The following AK5 variants were observed in gnomAD, a reference collection of about 807,000 sequenced individuals.
AK5 encodes the protein adenylate kinase isoenzyme 5.
A neutral mutation model predicts 69.5 loss-of-function variants in AK5; 27 were observed. The ratio of observed to expected loss-of-function variants is 0.39; its 90% CI spans 0.29 to 0.54. AK5 has a LOEUF of 0.54. AK5 is among the 20% of genes least tolerant of loss of function. The pLI is 0.71. For missense variants in AK5, 531 were observed against 700.4 expected, an observed-to-expected ratio of 0.76 and a Z score of 2.73; for synonymous variants, 260 against 244.4, an observed-to-expected ratio of 1.06 and a Z score of -0.60.
At chr1:77,305,395 C>G (rs1275909466) in intron 5 of AK5, among the ~76,000 whole-genome samples, 2 of 152,092 alleles carry the variant, frequency 1.3e-5, no homozygotes, top group African/African-American at 4.8e-5. Flanking sequence ...GGATATTGCT[C>G]AAGACATTTT....
chr1:77,362,477 A>G (rs1646882209), intron 6 of AK5, among the ~76,000 whole-genome samples: 1 of 152,186 alleles, frequency 6.6e-6, no homozygotes, highest in African/African-American at 2.4e-5. Flanking sequence ...CGGAAGGATC[A>G]CTATGGTATC....
chr1:77,464,515 G>A (rs1212117551), intron 8 of AK5, among the ~76,000 whole-genome samples: 4 of 152,200 alleles, frequency 2.6e-5, no homozygotes, highest in South Asian at 2.1e-4. Flanking sequence ...CTTAAAATGA[G>A]TCTTTTAATG....
At position 77,521,944 on chromosome 1, in the gene AK5, G is replaced by T. The variant is rs1254520294; in HGVS notation, c.1428+1G>T. 1 of 1,590,548 alleles carries T rather than the reference G, an allele frequency of 6.3e-7. No individual in the cohort carries two copies. Among genetic ancestry groups the T allele is most frequent in the Non-Finnish European group, 8.6e-7 (1 of 1,169,358 alleles). On this transcript the variant is annotated splice_donor_variant, in intron 12 of 13. Transcript: ENST00000354567. LOFTEE classifies it high-confidence loss of function. ...GCAAGGGGAAGAGTTCGGACGCAGG[G>T]TGAGTGGTTGTTACGGGCATCCTTC...
intron 10 of AK5, among the ~76,000 whole-genome samples, chr1:77,502,890 C>T (rs1438885710): frequency 6.6e-6 from 1 of 152,174 alleles, no homozygotes; most frequent in Non-Finnish European, 1.5e-5. Context: ...AATGCCACCC[C>T]CTCTCACACC....
At chr1:77,322,582 C>T (rs928344855) in intron 5 of AK5, among the ~76,000 whole-genome samples, 3 of 152,080 alleles carry the variant, frequency 2.0e-5, no homozygotes, top group African/African-American at 4.8e-5. Context: ...ACTTTAAAAA[C>T]GGTCTTTGAA....
chr1:77,427,695 G>T (rs578029648), intron 8 of AK5, among the ~76,000 whole-genome samples: 5 of 152,100 alleles, frequency 3.3e-5, no homozygotes, highest in Non-Finnish European at 4.4e-5. Context: ...CTTTATAAGT[G>T]CAGATGTGAA....
chr1:77,527,787 C>A (rs1976334), intron 12 of AK5, among the ~76,000 whole-genome samples: 1 of 152,016 alleles, frequency 6.6e-6, no homozygotes, highest in African/African-American at 2.4e-5. Context: ...TGGCCGGGCA[C>A]GGTGGCTCAC....
chr1:77,336,996 A>T (rs1401432416), intron 5 of AK5, among the ~76,000 whole-genome samples: 1 of 152,198 alleles, frequency 6.6e-6, no homozygotes, highest in Non-Finnish European at 1.5e-5. Context: ...TAAATAGCTT[A>T]GCAGATTCAT....
chr1:77,474,388 C>G (rs918405746), intron 8 of AK5, among the ~76,000 whole-genome samples: 1 of 152,226 alleles, frequency 6.6e-6, no homozygotes, highest in African/African-American at 2.4e-5. Flanking sequence ...CTGCCACTAA[C>G]TAGCTCTGTC....
intron 5 of AK5, among the ~76,000 whole-genome samples, chr1:77,320,120 C>T (rs572777141): frequency 1.3e-5 from 2 of 152,082 alleles, no homozygotes; most frequent in Non-Finnish European, 2.9e-5. Flanking sequence ...TTTCACAGGG[C>T]GGCAGGAAGA....
chr1:77,449,858 G>A (rs375698620), intron 8 of AK5, among the ~76,000 whole-genome samples: 6 of 152,166 alleles, frequency 3.9e-5, no homozygotes, highest in African/African-American at 1.2e-4. Context: ...GCCAGCTTGA[G>A]TTTCTCCTTA....
intron 5 of AK5, among the ~76,000 whole-genome samples, chr1:77,302,608 G>A (rs1218097775): frequency 6.6e-6 from 1 of 152,168 alleles, no homozygotes; most frequent in African/African-American, 2.4e-5. Context: ...TGGTGGTAGT[G>A]GTGGGTAAAT....
At chr1:77,479,365 C>G (rs1655128822) in intron 8 of AK5, among the ~76,000 whole-genome samples, 1 of 151,868 alleles carries the variant, frequency 6.6e-6, no homozygotes, top group Non-Finnish European at 1.5e-5. Flanking sequence ...GCCACTATGC[C>G]CGGCTAATTT....
intron 8 of AK5, among the ~76,000 whole-genome samples, chr1:77,443,768 A>C (rs1229112118): frequency 6.6e-6 from 1 of 151,802 alleles, no homozygotes; most frequent in African/African-American, 2.4e-5. Flanking sequence ...AAATCAAGAA[A>C]AATATTTTTT....
intron 10 of AK5, among the ~76,000 whole-genome samples, chr1:77,499,445 G>A (rs1656566356): frequency 6.6e-6 from 1 of 152,168 alleles, no homozygotes; most frequent in Admixed American, 6.5e-5. Flanking sequence ...CTAGGAAGTG[G>A]ATCACGCGTT....
chr1:77,535,194 A>T (rs928571980), intron 12 of AK5, among the ~76,000 whole-genome samples: 1 of 152,196 alleles, frequency 6.6e-6, no homozygotes, highest in African/African-American at 2.4e-5. Context: ...AGACTCTAAA[A>T]GCATGGACAT....
chr1:77,366,537 A>G (rs753276281), intron 6 of AK5, among the ~76,000 whole-genome samples: 5 of 152,316 alleles, frequency 3.3e-5, no homozygotes, highest in Non-Finnish European at 7.4e-5. Context: ...TGCAAAGCCC[A>G]TGCCTGGTCT....
At chr1:77,367,673 A>ATGTT (rs1491319905) in intron 6 of AK5, among the ~76,000 whole-genome samples, 22 of 34,550 alleles carry the variant, frequency 6.4e-4, no homozygotes, top group Admixed American at 1.2e-3. Flanking sequence ...TGTTATATAT[A>ATGTT]ATATATATGT....
intron 6 of AK5, among the ~76,000 whole-genome samples, chr1:77,378,436 C>T (rs1238232093): frequency 6.6e-6 from 1 of 152,140 alleles, no homozygotes. Context: ...ATTCTCTTGC[C>T]TCAGCCTCCC....
Sources: allele counts gnomAD v4.1 joint callset (sites outside exome capture counted in the v4.1 genomes callset), GRCh38; gene constraint gnomAD v4.1.1; transcripts MANE v1.5; gene names NCBI Gene and HGNC (gene_info 2026-07-23, HGNC 2026-07-21).